Variants in NFX1 observed in about 807,000 individuals in gnomAD.
NFX1 encodes the protein nuclear transcription factor, X-box binding 1.
NFX1 carries 69 observed loss-of-function variants against 137.2 expected under a neutral mutation model. The ratio of observed to expected loss-of-function variants is 0.50; its 90% confidence interval spans 0.41 to 0.61. NFX1 has a LOEUF of 0.61. NFX1 is among the 20% of genes least tolerant of loss of function. NFX1 has a pLI of 0.00. For synonymous variants in NFX1, 495 were observed against 474.1 expected, an observed-to-expected ratio of 1.04 and a Z score of -0.57; for missense variants, 1,167 against 1,391.0, an observed-to-expected ratio of 0.84 and a Z score of 2.56.
intron 22 of NFX1, 42 bp from the exon 23 acceptor site, chr9:33,367,473 C>A (rs2118709023): frequency 6.3e-7 from 1 of 1,598,906 alleles, no homozygotes; most frequent in East Asian, 2.2e-5. Flanking sequence ...TCTCCACAAA[C>A]AATTCTCACT....
In NFX1 at chr9:33,364,012, G is replaced by C; in HGVS notation, c.2876G>C (p.Arg959Thr). ...EECSALERKK[R>T]LAEAFHISED... ...GCATACCTCTCTCTCTCTTTCAGGA[G>C]ATTAGCAGAGGCATTTCATATCAGT... The change falls in exon 20 of 24, where the codon AGA (arginine) becomes ACA (threonine). Residue 959 changes from arginine (R) to threonine (T), a missense_variant and splice_region_variant. Arg to Thr is a moderately conservative substitution (Grantham distance 71). Transcript: ENST00000379540. The C allele has an allele frequency of 6.3e-7, 1 of 1,577,790 alleles. No individual in the cohort carries two copies. Among genetic ancestry groups the C allele is most frequent in the South Asian group, 1.2e-5 (1 of 84,750 alleles).
chr9:33,326,881 G>A (rs1822613571), intron 9 of NFX1, among the ~76,000 whole-genome samples: 1 of 152,210 alleles, frequency 6.6e-6, no homozygotes, highest in African/African-American at 2.4e-5. Context: ...GAATAGAGCT[G>A]TGTAAGGGTA....
At chr9:33,329,007 G>A (rs77366692) in intron 10 of NFX1, among the ~76,000 whole-genome samples, 3,241 of 152,262 alleles carry the variant, frequency 0.021, 130 homozygotes, top group African/African-American at 0.073. Flanking sequence ...GACCACCTGC[G>A]AGGCTTGATA....
At position 33,319,084 on chromosome 9, in the gene NFX1, A is replaced by T; in HGVS notation, c.1863A>T (p.Ser621=). 6.2e-7 allele frequency: 1 copy of T among 1,614,224 alleles called. No individual in the cohort carries two copies. Among genetic ancestry groups the T allele is most frequent in the Non-Finnish European group, 8.5e-7 (1 of 1,180,042 alleles). Residue 621 remains serine (S), a synonymous_variant, in exon 9 of 24, where the codon TCA becomes TCT. Transcript: ENST00000379540. ...AAACATGCATGGACCCTGTGCCTTC[A>T]TGTGGAAAAGTGTGCGGCAAGCCTC... ...SRKTCMDPVP[S]CGKVCGKPLP...
chr9:33,301,764 T>A (rs1821575583), intron 3 of NFX1, among the ~76,000 whole-genome samples: 1 of 97,748 alleles, frequency 1.0e-5, no homozygotes, highest in Non-Finnish European at 2.5e-5. Flanking sequence ...GTAATTCTAT[T>A]TTTAATTTAT....
At chr9:33,336,737 A>T (rs1380253127) in intron 11 of NFX1, among the ~76,000 whole-genome samples, 1 of 152,182 alleles carries the variant, frequency 6.6e-6, no homozygotes, top group African/African-American at 2.4e-5. Flanking sequence ...AATAGCTGGG[A>T]CCACAGGCAT....
intron 12 of NFX1, among the ~76,000 whole-genome samples, chr9:33,341,764 T>A (rs1219939604): frequency 2.6e-5 from 4 of 152,152 alleles, no homozygotes; most frequent in Non-Finnish European, 5.9e-5. Flanking sequence ...ACCCCATCTC[T>A]GCCAAAAATA....
At chr9:33,352,494 G>A (rs528720056) in intron 16 of NFX1, 152 bp from the exon 17 acceptor site, 8 of 716,324 alleles carry the variant, frequency 1.1e-5, no homozygotes, top group East Asian at 2.7e-5. Flanking sequence ...GTGTCAGTTT[G>A]CATGTGTGGT....
In NFX1 at chr9:33,295,278, G is replaced by A. The variant is rs957862719; in HGVS notation, c.884G>A (p.Cys295Tyr). 3 of 1,614,106 alleles carry A rather than the reference G, an allele frequency of 1.9e-6. No homozygotes were observed. The highest frequency in any genetic ancestry group is 2.5e-6 in the Non-Finnish European group (3 of 1,180,024). The change falls in exon 2 of 24, where the codon TGT becomes TAT. Residue 295 changes from cysteine (C) to tyrosine (Y), a missense_variant. Physicochemically the swap from Cys to Tyr is radical, Grantham distance 194. Around this residue, in one of 3 missense-constraint regions of NFX1, gnomAD observed 367 missense variants for 386.7 expected, o/e 0.95. Coordinates refer to ENST00000379540, the MANE Select transcript of NFX1 (RefSeq NM_002504.6). ...DLNERPAKSTCDSENLAVINK... is the reference protein window; with the variant it reads ...DLNERPAKSTYDSENLAVINK... ...AATGAAAGACCAGCAAAATCTACCT[G>A]TGACAGTGAGAACTTGGCAGTCATC... is the stretch of plus-strand genomic sequence containing the variant.
At position 33,338,541 on chromosome 9, in the gene NFX1, C is replaced by T. The variant is rs567410428; in HGVS notation, c.2067C>T (p.Asn689=). ...DATFMCDKRC[N]KKRLCGRHKC... is the part of the protein sequence containing the mutation. ...CATTTATGTGTGACAAGCGGTGTAACAAGAAACGGTTGTGTGGACGGCATA... is the reference window on the plus strand; with the variant it reads ...CATTTATGTGTGACAAGCGGTGTAATAAGAAACGGTTGTGTGGACGGCATA... Residue 689 remains asparagine, a synonymous_variant, in exon 12 of 24, where the codon AAC becomes AAT. Transcript: ENST00000379540. The T allele has an allele frequency of 2.5e-6, 4 of 1,603,318 alleles. No homozygotes were observed. Among genetic ancestry groups the T allele is most frequent in the African/African-American group, 2.7e-5 (2 of 73,978 alleles).
In NFX1 at chr9:33,313,674, A is replaced by G. The variant is rs2118335687; in HGVS notation, c.1469A>G (p.Gln490Arg). The change falls in exon 7 of 24, where the codon CAG (glutamine) becomes CGG (arginine). Residue 490 changes from glutamine (Q) to arginine (R), a missense_variant. Coordinates refer to ENST00000379540, the MANE Select transcript of NFX1 (RefSeq NM_002504.6). ...TACAGGCACACAGTTCGCTGTGGTC[A>G]GGCTGTCTCAGTCCACTGTTCTAAC... Reference protein sequence around the residue: ...GRTRHTVRCGQAVSVHCSNPC... With the variant: ...GRTRHTVRCGRAVSVHCSNPC... 2 of 1,614,190 alleles carry G rather than the reference A, an allele frequency of 1.2e-6. No individual in the cohort carries two copies. Among genetic ancestry groups the G allele is most frequent in the South Asian group, 1.1e-5 (1 of 91,078 alleles).
chr9:33,339,029 ATATT>A (rs1823119590), intron 12 of NFX1, among the ~76,000 whole-genome samples: 1 of 152,174 alleles, frequency 6.6e-6, no homozygotes, highest in Non-Finnish European at 1.5e-5. Flanking sequence ...TTAAAATAAA[ATATT>A]TATTTAAAAT....
chr9:33,334,523 T>C (rs1822928173), intron 11 of NFX1, among the ~76,000 whole-genome samples: 1 of 151,528 alleles, frequency 6.6e-6, no homozygotes, highest in Admixed American at 6.6e-5. Context: ...TTATGAAGTT[T>C]AAAAAAAAAT....
intron 17 of NFX1, chr9:33,352,922 G>A: frequency 1.9e-6 from 1 of 532,318 alleles, no homozygotes; most frequent in East Asian, 3.1e-5. Flanking sequence ...AAGCTGGAAA[G>A]GTTTTTTTGT....
At chr9:33,365,082 T>C (rs1357070595) in intron 21 of NFX1, 2 of 758,936 alleles carry the variant, frequency 2.6e-6, no homozygotes, top group African/African-American at 3.7e-5. Flanking sequence ...TAGATCAGCT[T>C]GGCCAACATG....
At chr9:33,335,558 A>G (rs1475717072) in intron 11 of NFX1, among the ~76,000 whole-genome samples, 1 of 152,000 alleles carries the variant, frequency 6.6e-6, no homozygotes, top group East Asian at 1.9e-4. Context: ...TTTTAAAAAT[A>G]TGTTGAGACA....
intron 17 of NFX1, 79 bp from the exon 18 acceptor site, chr9:33,354,007 A>C (rs1022113503): frequency 3.5e-5 from 46 of 1,325,518 alleles, no homozygotes; most frequent in Non-Finnish European, 4.7e-5. Flanking sequence ...GCTTTTAAAG[A>C]GGTCTTCTGT....
intron 1 of NFX1, among the ~76,000 whole-genome samples, chr9:33,292,242 C>T (rs1821188260): frequency 6.6e-6 from 1 of 152,214 alleles, no homozygotes; most frequent in African/African-American, 2.4e-5. Context: ...TACTCCTTTT[C>T]ATGTGCTTTA....
At chr9:33,297,282 C>T (rs1246174690) in intron 2 of NFX1, among the ~76,000 whole-genome samples, 1 of 152,224 alleles carries the variant, frequency 6.6e-6, no homozygotes, top group Non-Finnish European at 1.5e-5. Context: ...TACAGCCCAA[C>T]CCTTGAAGCC....
Sources: allele counts gnomAD v4.1 joint callset (sites outside exome capture counted in the v4.1 genomes callset), GRCh38; gene constraint gnomAD v4.1.1; regional missense constraint gnomAD v4.1.1; transcripts MANE v1.5; gene names NCBI Gene and HGNC (gene_info 2026-07-23, HGNC 2026-07-21).